The following CNOT6L variants were observed in gnomAD, a reference collection of about 807,000 sequenced individuals.
The protein encoded by CNOT6L is CCR4-NOT transcription complex subunit 6 like, also known as CCR4-NOT transcription complex subunit 6-like.
Under a neutral mutation model 64.0 loss-of-function variants are expected in CNOT6L, and 7 were observed. The ratio of observed to expected loss-of-function variants is 0.11; its 90% CI spans 0.06 to 0.21. CNOT6L has a LOEUF of 0.21. Among genes scored for constraint, CNOT6L ranks in the 10% least tolerant of loss-of-function variants. The probability of loss-of-function intolerance (pLI) is 1.00; values close to 1 mark genes in which losing one functional copy is unlikely to be tolerated. For synonymous variants in CNOT6L, 193 were observed against 243.4 expected, an observed-to-expected ratio of 0.79 and a Z score of 1.93; for missense variants, 245 against 669.0, an observed-to-expected ratio of 0.37 and a Z score of 6.99.
chr4:77,773,045 C>T lies in CNOT6L; in HGVS notation c.400+36G>A, dbSNP rs753852345. The T allele has an allele frequency of 5.0e-6, 7 of 1,397,688 alleles. No homozygotes were observed. The Middle Eastern group carries it at 6.0e-4, about 120-fold the overall frequency. The allele number at this position is 1,397,688 out of a possible 1,614,324, so 86.6% of individuals were successfully genotyped here. A position where few individuals can be genotyped will look rare whatever the true frequency, so the allele number is the denominator to read the frequency against. Reference sequence around the variant, plus strand: ...AAAGGCCAAAATGCTCTTTAAAAGGCTCAGAATACCTCAAAACTGTTTAAA... The same window carrying T: ...AAAGGCCAAAATGCTCTTTAAAAGGTTCAGAATACCTCAAAACTGTTTAAA... On this transcript the variant is annotated intron_variant, in intron 4 of 11. Coordinates refer to ENST00000504123, the MANE Select transcript of CNOT6L (RefSeq NM_144571.3).
At chr4:77,736,841 G>C (rs1311392041) in intron 8 of CNOT6L, among the ~76,000 whole-genome samples, 3 of 151,840 alleles carry the variant, frequency 2.0e-5, no homozygotes, top group African/African-American at 7.3e-5. Context: ...TAGACGAAAG[G>C]TCAAATGGAT....
chr4:77,753,948 A>G (rs1725162524), intron 5 of CNOT6L, among the ~76,000 whole-genome samples: 1 of 151,468 alleles, frequency 6.6e-6, no homozygotes, highest in Non-Finnish European at 1.5e-5. Context: ...AATAGAAAAA[A>G]CTTCCTTCAT....
chr4:77,731,388 T>C lies in CNOT6L; in HGVS notation c.1023A>G (p.Ala341=). The C allele has an allele frequency of 6.2e-7, 1 of 1,611,290 alleles. No homozygotes were observed. Among genetic ancestry groups the C allele is most frequent in the Non-Finnish European group, 8.5e-7 (1 of 1,179,082 alleles). ...AAGAATATTTTACATTGCACTCACCTGCTCCAAATAGTTCTTTGTGGACCT... is the reference window on the plus strand; with the variant it reads ...AAGAATATTTTACATTGCACTCACCCGCTCCAAATAGTTCTTTGTGGACCT... ...VLEVHKELFG[A]GMKPIHAADK... Residue 341 remains alanine, a splice_region_variant and synonymous_variant, in exon 9 of 12, where the codon GCA becomes GCG. Coordinates refer to ENST00000504123, the MANE Select transcript of CNOT6L (RefSeq NM_144571.3).
intron 1 of CNOT6L, among the ~76,000 whole-genome samples, chr4:77,777,840 C>A (rs187231227): frequency 4.0e-3 from 603 of 152,210 alleles, no homozygotes; most frequent in Non-Finnish European, 5.6e-3. Flanking sequence ...AATAAGAAAT[C>A]AAAAAGCTAG....
intron 1 of CNOT6L, among the ~76,000 whole-genome samples, chr4:77,780,746 CT>C (rs1175184372): frequency 2.0e-5 from 3 of 152,064 alleles, no homozygotes; most frequent in Non-Finnish European, 4.4e-5. Flanking sequence ...ATAAATTTGT[CT>C]TTGGTTCTAT....
chr4:77,803,081 T>C (rs2110150100), intron 1 of CNOT6L, among the ~76,000 whole-genome samples: 1 of 152,170 alleles, frequency 6.6e-6, no homozygotes. Context: ...ATATTGATAA[T>C]GAGCAATAAG....
At chr4:77,794,968 A>G (rs1434843478) in intron 1 of CNOT6L, among the ~76,000 whole-genome samples, 1 of 152,108 alleles carries the variant, frequency 6.6e-6, no homozygotes, top group African/African-American at 2.4e-5. Flanking sequence ...AAAAAAATCA[A>G]GTGTATTTAT....
chr4:77,731,299 T>TA (rs1560575542), intron 9 of CNOT6L, 88 bp downstream of exon 9: 1 of 1,305,540 alleles, frequency 7.7e-7, no homozygotes, highest in East Asian at 2.4e-5. Flanking sequence ...TTGCAATAAA[T>TA]AACGGCAAAA....
intron 1 of CNOT6L, among the ~76,000 whole-genome samples, chr4:77,799,482 A>G (rs1731253218): frequency 6.6e-6 from 1 of 152,060 alleles, no homozygotes; most frequent in African/African-American, 2.4e-5. Context: ...AGGCAGGTGG[A>G]TCACCTGAGG....
At chr4:77,741,089 A>G (rs187209881) in intron 8 of CNOT6L, among the ~76,000 whole-genome samples, 14 of 152,332 alleles carry the variant, frequency 9.2e-5, no homozygotes, top group Admixed American at 6.5e-4. Context: ...AATTATTCTA[A>G]AATGCATAAA....
chr4:77,813,989 A>G (rs1050774356), intron 1 of CNOT6L, among the ~76,000 whole-genome samples: 5 of 152,206 alleles, frequency 3.3e-5, no homozygotes, highest in African/African-American at 1.2e-4. Context: ...CAAAAAGTCT[A>G]TGTCCATCAG....
chr4:77,751,991 G>A (rs1364880136), intron 5 of CNOT6L, among the ~76,000 whole-genome samples: 1 of 152,114 alleles, frequency 6.6e-6, no homozygotes, highest in Non-Finnish European at 1.5e-5. Flanking sequence ...GGCCAACATA[G>A]TGAGATCCCA....
At chr4:77,731,699 T>C (rs956607097) in intron 8 of CNOT6L, 161 bp from the exon 9 acceptor site, 2 of 515,336 alleles carry the variant, frequency 3.9e-6, no homozygotes, top group African/African-American at 2.0e-5. Context: ...CTGATTATTG[T>C]AAAAAGTTTC....
chr4:77,802,141 G>A (rs1002906295), intron 1 of CNOT6L, among the ~76,000 whole-genome samples: 1 of 152,156 alleles, frequency 6.6e-6, no homozygotes, highest in Non-Finnish European at 1.5e-5. Context: ...AATACAGGTT[G>A]ATGATTGTGA....
intron 4 of CNOT6L, among the ~76,000 whole-genome samples, chr4:77,761,039 C>T (rs1439579005): frequency 1.3e-5 from 2 of 151,618 alleles, no homozygotes; most frequent in Non-Finnish European, 2.9e-5. Context: ...ATTAAGAAAA[C>T]TATATGTGTG....
chr4:77,815,879 G>C (rs1457229991), intron 1 of CNOT6L, among the ~76,000 whole-genome samples: 1 of 152,170 alleles, frequency 6.6e-6, no homozygotes, highest in Non-Finnish European at 1.5e-5. Context: ...TGTCATGAAA[G>C]CAAGTAAACT....
intron 1 of CNOT6L, among the ~76,000 whole-genome samples, chr4:77,814,174 A>C (rs1733303162): frequency 6.6e-6 from 1 of 152,212 alleles, no homozygotes; most frequent in Admixed American, 6.5e-5. Context: ...AAAATTGGCC[A>C]AATCTATAGA....
rs535004744 is a variant in CNOT6L at position 77,796,617 on chromosome 4, C to T, written c.6-20225G>A. ...TTCTTTTCTTCATAAATTACCCAGT[C>T]TCAGGTATTTTTTACAGCAGTGTGA... On this transcript the variant is annotated intron_variant, in intron 1 of 11. Transcript: ENST00000504123. 2.0e-5 allele frequency among the ~76,000 whole-genome samples: 3 copies of T among 152,232 alleles called. No individual in the cohort carries two copies. The South Asian group carries it at 6.2e-4, about 32-fold the overall frequency.
intron 4 of CNOT6L, among the ~76,000 whole-genome samples, chr4:77,770,115 T>C (rs1250440870): frequency 6.6e-6 from 1 of 152,176 alleles, no homozygotes; most frequent in Non-Finnish European, 1.5e-5. Context: ...CTTATCCTAA[T>C]TCCTCAAATA....
Sources: gnomAD v4.1 joint callset for allele counts (sites outside exome capture counted in the v4.1 genomes callset) on GRCh38, gnomAD v4.1.1 for gene constraint, MANE v1.5 for transcripts, NCBI Gene and HGNC (gene_info 2026-07-23, HGNC 2026-07-21) for gene names.